Variants in MYRIP observed in about 807,000 individuals in gnomAD.
The protein encoded by MYRIP is myosin VIIA and Rab interacting protein.
MYRIP carries 49 observed loss-of-function variants against 98.0 expected under a neutral mutation model. The ratio of observed to expected loss-of-function variants is 0.50; its 90% CI spans 0.40 to 0.63. The LOEUF (loss-of-function observed/expected upper bound fraction) is 0.63. MYRIP is among the 30% of genes least tolerant of loss of function. MYRIP has a pLI of 0.00. For synonymous variants in MYRIP, 404 were observed against 409.5 expected (o/e 0.99, Z 0.16); for missense variants, 1,004 against 1,058.2 (o/e 0.95, Z 0.71).
chr3:40,165,159 C>G lies in MYRIP; in HGVS notation c.551-1687C>G, dbSNP rs550440531. Reference sequence around the variant, plus strand: ...GATGACAACTTATATCGCATAGGCTCTAGTTATCAAAACATTGGAAAGACT... The same window carrying G: ...GATGACAACTTATATCGCATAGGCTGTAGTTATCAAAACATTGGAAAGACT... On this transcript the variant is annotated intron_variant, in intron 5 of 16. Transcript: ENST00000302541. Among the ~76,000 whole-genome samples, 5 of 152,354 alleles carry G rather than the reference C, an allele frequency of 3.3e-5. No individual in the cohort carries two copies. In the East Asian group the frequency reaches 9.6e-4, roughly 29 times the overall value.
chr3:40,171,991 C>T (rs969004976), intron 8 of MYRIP, among the ~76,000 whole-genome samples: 11 of 152,178 alleles, frequency 7.2e-5, no homozygotes, highest in African/African-American at 2.7e-4. Flanking sequence ...GGAACTCCCC[C>T]TTATAAAACC....
intron 9 of MYRIP, among the ~76,000 whole-genome samples, chr3:40,186,540 G>T (rs1022666677): frequency 7.2e-5 from 11 of 152,098 alleles, no homozygotes; most frequent in Non-Finnish European, 1.6e-4. Flanking sequence ...AAGCAAAAGA[G>T]GGGGGATACT....
At chr3:40,030,021 C>T (rs1470461042) in intron 2 of MYRIP, among the ~76,000 whole-genome samples, 2 of 151,290 alleles carry the variant, frequency 1.3e-5, no homozygotes, top group African/African-American at 4.9e-5. Flanking sequence ...GATGCCACCA[C>T]TGCATTCCAG....
chr3:39,832,212 AAT>A (rs1409872150), intron 1 of MYRIP, among the ~76,000 whole-genome samples: 1 of 152,212 alleles, frequency 6.6e-6, no homozygotes, highest in African/African-American at 2.4e-5. Context: ...TACAACACAG[AAT>A]ATGTTTGTAA....
chr3:39,848,175 G>T (rs974350329), intron 1 of MYRIP, among the ~76,000 whole-genome samples: 2 of 152,150 alleles, frequency 1.3e-5, no homozygotes, highest in African/African-American at 4.8e-5. Flanking sequence ...AGCCACACGG[G>T]TGTAGTGTTG....
At chr3:40,045,337 G>A (rs529829365) in intron 3 of MYRIP, among the ~76,000 whole-genome samples, 42 of 152,104 alleles carry the variant, frequency 2.8e-4, no homozygotes, top group Non-Finnish European at 5.1e-4. Flanking sequence ...AACAAAAAGT[G>A]GTATGTTAAG....
chr3:39,933,530 G>GA (rs1271105723), intron 2 of MYRIP, among the ~76,000 whole-genome samples: 1 of 152,290 alleles, frequency 6.6e-6, no homozygotes, highest in East Asian at 1.9e-4. Context: ...ACTTTGAGGA[G>GA]AAACTCTGAG....
intron 2 of MYRIP, among the ~76,000 whole-genome samples, chr3:39,917,279 C>T (rs1402841096): frequency 1.3e-5 from 2 of 151,592 alleles, no homozygotes; most frequent in Non-Finnish European, 2.9e-5. Context: ...CTTCACGTTA[C>T]TTTAAATTCA....
At chr3:40,180,244 T>C (rs1289398342) in intron 8 of MYRIP, among the ~76,000 whole-genome samples, 1 of 151,714 alleles carries the variant, frequency 6.6e-6, no homozygotes, top group African/African-American at 2.4e-5. Context: ...TTTATTTCTT[T>C]CTCTTACTCC....
At chr3:40,083,298 T>G (rs1026652057) in intron 3 of MYRIP, among the ~76,000 whole-genome samples, 18 of 152,208 alleles carry the variant, frequency 1.2e-4, no homozygotes, top group Admixed American at 5.9e-4. Flanking sequence ...TGTGGCATTA[T>G]AGTTCCTCTT....
chr3:40,166,193 CCCATTGTCCTTAGT>C (rs1950495634), intron 5 of MYRIP, among the ~76,000 whole-genome samples: 1 of 152,156 alleles, frequency 6.6e-6, no homozygotes, highest in South Asian at 2.1e-4. Flanking sequence ...ATATGCACAG[CCCATTGTCCTTAGT>C]ACATTTAATA....
At chr3:40,086,852 C>T (rs931843867) in intron 3 of MYRIP, among the ~76,000 whole-genome samples, 5 of 151,854 alleles carry the variant, frequency 3.3e-5, no homozygotes, top group Admixed American at 1.3e-4. Context: ...AGCCATGGCC[C>T]CCCACATTCC....
rs1307260434 is a variant in MYRIP at position 39,843,238 on chromosome 3, CA to C, written c.-31+33323del. On this transcript the variant is annotated intron_variant, in intron 1 of 16. Coordinates refer to ENST00000302541, the MANE Select transcript of MYRIP (RefSeq NM_015460.4). Reference sequence around the variant, plus strand: ...GCTTATATATGCTTGAATATAGTCACAGTTTGAAAGACTGAGCTGAGCATAA... The same window carrying C: ...GCTTATATATGCTTGAATATAGTCACGTTTGAAAGACTGAGCTGAGCATAA... Among the ~76,000 whole-genome samples, 6 of 152,266 alleles carry C rather than the reference CA, an allele frequency of 3.9e-5. No individual in the cohort carries two copies. The East Asian group carries it at 9.6e-4, about 24-fold the overall frequency.
intron 2 of MYRIP, among the ~76,000 whole-genome samples, chr3:39,995,705 G>A (rs1946332388): frequency 1.3e-5 from 2 of 152,108 alleles, no homozygotes; most frequent in East Asian, 1.9e-4. Context: ...GATACTCCTC[G>A]AGAAGAGCAA....
At chr3:39,931,296 T>C (rs1278688598) in intron 2 of MYRIP, among the ~76,000 whole-genome samples, 1 of 152,058 alleles carries the variant, frequency 6.6e-6, no homozygotes, top group Non-Finnish European at 1.5e-5. Context: ...TTCAATAATA[T>C]TGTAAATAGA....
chr3:40,130,379 C>CTT lies in MYRIP; in HGVS notation c.333-20654_333-20653dup, dbSNP rs1174112413. ...AAATCTATATTTCTAGTCCAAATTT[C>CTT]TTTTTTTTTTTTTTTTGAGACGGAG... is the stretch of plus-strand genomic sequence containing the variant. On this transcript the variant is annotated intron_variant, in intron 3 of 16. Coordinates refer to ENST00000302541, the MANE Select transcript of MYRIP (RefSeq NM_015460.4). 9.3e-4 allele frequency among the ~76,000 whole-genome samples: 130 copies of CTT among 139,258 alleles called. 1 individual carries two copies. The highest frequency in any genetic ancestry group is 2.1e-3 in the East Asian group (10 of 4,754). 91.4% of individuals were successfully genotyped at this position (139,258 alleles called of 152,430 possible). A position where few individuals can be genotyped will look rare whatever the true frequency, so the allele number is the denominator to read the frequency against.
chr3:39,861,186 C>G lies in MYRIP; in HGVS notation c.-30-39601C>G, dbSNP rs373443339. Among the ~76,000 whole-genome samples the G allele has an allele frequency of 2.0e-5, 3 of 152,342 alleles. No individual in the cohort carries two copies. The East Asian group carries it at 5.8e-4, about 29-fold the overall frequency. ...TAGGGAGCAAAGCCATGGCTTGATG[C>G]TAGCCCCCCAGAGTTAGAGCATGCA... is the stretch of plus-strand genomic sequence containing the variant. On this transcript the variant is annotated intron_variant, in intron 1 of 16. Coordinates refer to ENST00000302541, the MANE Select transcript of MYRIP (RefSeq NM_015460.4).
intron 3 of MYRIP, among the ~76,000 whole-genome samples, chr3:40,073,177 G>A (rs1217112103): frequency 1.3e-5 from 2 of 152,174 alleles, no homozygotes; most frequent in African/African-American, 4.8e-5. Context: ...TAAAAACTGA[G>A]ATTGAACCTA....
intron 2 of MYRIP, among the ~76,000 whole-genome samples, chr3:39,911,071 A>T (rs1944010404): frequency 6.6e-6 from 1 of 152,244 alleles, no homozygotes; most frequent in Non-Finnish European, 1.5e-5. Flanking sequence ...CAAAGAGTTT[A>T]TGCATCTCAG....
Sources: gnomAD v4.1 joint callset for allele counts (sites outside exome capture counted in the v4.1 genomes callset) on GRCh38, gnomAD v4.1.1 for gene constraint, MANE v1.5 for transcripts, NCBI Gene and HGNC (gene_info 2026-07-23, HGNC 2026-07-21) for gene names.